CD2AP: variants seen among roughly 807,000 people sequenced by gnomAD.
CD2AP encodes the protein CD2-associated protein.
A neutral mutation model predicts 85.1 loss-of-function variants in CD2AP; 46 were observed. The ratio of observed to expected loss-of-function variants is 0.54; its 90% CI spans 0.43 to 0.69. CD2AP has a LOEUF of 0.69. Ranked by LOEUF, CD2AP falls within the 30% of genes least tolerant of loss-of-function variation. The probability of loss-of-function intolerance (pLI) is 0.00; values close to 1 mark genes in which losing one functional copy is unlikely to be tolerated. For synonymous variants in CD2AP, 255 were observed against 252.9 expected (o/e 1.01, Z -0.08); for missense variants, 769 against 729.5 (o/e 1.05, Z -0.62).
intron 17 of CD2AP, among the ~76,000 whole-genome samples, chr6:47,623,545 CTG>C (rs1265967257): frequency 6.6e-6 from 1 of 152,128 alleles, no homozygotes; most frequent in East Asian, 1.9e-4. Context: ...TTGAATAACT[CTG>C]TGTAGTTATT....
intron 8 of CD2AP, among the ~76,000 whole-genome samples, chr6:47,579,032 T>A (rs1768389165): frequency 6.6e-6 from 1 of 152,208 alleles, no homozygotes; most frequent in East Asian, 1.9e-4. Context: ...ATATAGTTTT[T>A]AAAACTAAAC....
intron 5 of CD2AP, among the ~76,000 whole-genome samples, chr6:47,563,674 G>T (rs1324826833): frequency 1.3e-5 from 2 of 152,108 alleles, no homozygotes; most frequent in Non-Finnish European, 2.9e-5. Flanking sequence ...GCCTTTCAAA[G>T]GAGTTAATTT....
At chr6:47,562,749 C>A in intron 5 of CD2AP, 1 of 856,586 alleles carries the variant, frequency 1.2e-6, no homozygotes, top group Non-Finnish European at 2.0e-6. Flanking sequence ...AAGCCTTAGA[C>A]AAGTGGCAAG....
chr6:47,556,241 C>T (rs1331999994), intron 5 of CD2AP, among the ~76,000 whole-genome samples: 3 of 148,108 alleles, frequency 2.0e-5, no homozygotes, highest in East Asian at 2.0e-4. Flanking sequence ...TGATAGGCCC[C>T]GGTGTGTGAT....
At position 47,481,327 on chromosome 6, in the gene CD2AP, C is replaced by T. The variant is rs576598218; in HGVS notation, c.4+3079C>T. Among the ~76,000 whole-genome samples the T allele has an allele frequency of 3.7e-4, 56 of 152,032 alleles. No homozygotes were observed. The South Asian group carries it at 0.011, about 30-fold the overall frequency. Reference sequence around the variant, plus strand: ...GCTCTCGTATATAAAACATATCAGTCATGTGGTGGTGTTTTTTTGTTTGTT... The same window carrying T: ...GCTCTCGTATATAAAACATATCAGTTATGTGGTGGTGTTTTTTTGTTTGTT... On this transcript the variant is annotated intron_variant, in intron 1 of 17. Coordinates refer to ENST00000359314, the MANE Select transcript of CD2AP (RefSeq NM_012120.3).
intron 1 of CD2AP, among the ~76,000 whole-genome samples, chr6:47,501,658 GGTT>G (rs1327809680): frequency 2.0e-5 from 3 of 151,074 alleles, no homozygotes; most frequent in East Asian, 1.9e-4. Context: ...TTGTTGTTGT[GGTT>G]GTTGGTGTGT....
chr6:47,517,030 G>C (rs981474587), intron 2 of CD2AP, among the ~76,000 whole-genome samples: 3 of 152,054 alleles, frequency 2.0e-5, no homozygotes, highest in African/African-American at 7.2e-5. Flanking sequence ...TGACCCATGG[G>C]GGCTGATCTG....
At chr6:47,590,746 A>T (rs1308013253) in intron 11 of CD2AP, among the ~76,000 whole-genome samples, 1 of 152,082 alleles carries the variant, frequency 6.6e-6, no homozygotes. Context: ...GGAGGACCAG[A>T]TAGGAGGGAG....
At chr6:47,513,000 A>T (rs1157861500) in intron 2 of CD2AP, among the ~76,000 whole-genome samples, 2 of 152,102 alleles carry the variant, frequency 1.3e-5, no homozygotes, top group East Asian at 3.8e-4. Context: ...GCTTATAGGT[A>T]ATTAGTAGAG....
At position 47,503,271 on chromosome 6, in the gene CD2AP, C is replaced by T; in HGVS notation, c.5-9C>T. 1 of 1,612,712 alleles carries T rather than the reference C, an allele frequency of 6.2e-7. No homozygotes were observed. The highest frequency in any genetic ancestry group is 8.5e-7 in the Non-Finnish European group (1 of 1,179,048). ...ATTTTAGACATTTCGTTTTTTCCCC[C>T]TTTTTTAGTTGACTATATTGTGGAG... On this transcript the variant is annotated splice_polypyrimidine_tract_variant and intron_variant, in intron 1 of 17. Transcript: ENST00000359314.
chr6:47,515,738 A>G (rs180743715), intron 2 of CD2AP, among the ~76,000 whole-genome samples: 164 of 152,324 alleles, frequency 1.1e-3, no homozygotes, highest in Non-Finnish European at 4.4e-4. Flanking sequence ...CATAGTTGAA[A>G]GATCTTAGCA....
At chr6:47,544,539 A>G (rs1205579482) in intron 3 of CD2AP, 67 bp from the exon 4 acceptor site, 1 of 982,626 alleles carries the variant, frequency 1.0e-6, no homozygotes, top group Non-Finnish European at 1.6e-6. Flanking sequence ...TAAACATGGC[A>G]TGTAAATATA....
At chr6:47,486,920 G>A (rs1765578862) in intron 1 of CD2AP, among the ~76,000 whole-genome samples, 1 of 152,110 alleles carries the variant, frequency 6.6e-6, no homozygotes, top group African/African-American at 2.4e-5. Context: ...TTTAAAGTTG[G>A]TCTTTTAAAT....
intron 2 of CD2AP, among the ~76,000 whole-genome samples, chr6:47,505,934 T>TCG: frequency 1.0e-5 from 1 of 96,210 alleles, no homozygotes. Flanking sequence ...ACGGGGTGGC[T>TCG]GCCGGGCGGA....
intron 1 of CD2AP, among the ~76,000 whole-genome samples, chr6:47,487,707 A>AAACG (rs1438001624): frequency 6.6e-6 from 1 of 152,066 alleles, no homozygotes; most frequent in Non-Finnish European, 1.5e-5. Flanking sequence ...ACAAACAAAC[A>AAACG]AACAAACAAA....
At chr6:47,615,150 G>A (rs1769544277) in intron 17 of CD2AP, among the ~76,000 whole-genome samples, 1 of 152,126 alleles carries the variant, frequency 6.6e-6, no homozygotes. Flanking sequence ...GAGAATTGGG[G>A]ACTTGCAGTT....
At chr6:47,576,240 C>G (rs1768307949) in intron 6 of CD2AP, among the ~76,000 whole-genome samples, 1 of 152,098 alleles carries the variant, frequency 6.6e-6, no homozygotes, top group African/African-American at 2.4e-5. Context: ...GGTTCCTAGC[C>G]TCTTATTTAT....
intron 4 of CD2AP, among the ~76,000 whole-genome samples, chr6:47,548,650 T>C (rs1409221519): frequency 6.6e-6 from 1 of 152,156 alleles, no homozygotes; most frequent in African/African-American, 2.4e-5. Context: ...GTACCAATCC[T>C]GTTGACACTG....
intron 13 of CD2AP, among the ~76,000 whole-genome samples, chr6:47,600,113 T>C (rs185879281): frequency 7.2e-5 from 11 of 152,054 alleles, no homozygotes; most frequent in African/African-American, 2.4e-4. Context: ...GCTTTTTGCA[T>C]TTGTGTTTAG....
Sources: allele counts gnomAD v4.1 joint callset (sites outside exome capture counted in the v4.1 genomes callset), GRCh38; gene constraint gnomAD v4.1.1; transcripts MANE v1.5; gene names NCBI Gene and HGNC (gene_info 2026-07-23, HGNC 2026-07-21).